UGT1A8: variants seen among roughly 807,000 people sequenced by gnomAD.
UGT1A8 encodes the protein UDP-glucuronosyltransferase 1A8.
UGT1A8 carries 39 observed loss-of-function variants against 45.3 expected under a neutral mutation model. The observed-to-expected ratio is 0.86, with a 90% CI of 0.67 to 1.12. The LOEUF (loss-of-function observed/expected upper bound fraction) is 1.12. Among genes scored for constraint, UGT1A8 ranks in the 50% most tolerant of loss-of-function variants. UGT1A8 has a pLI of 0.00. For missense variants in UGT1A8, 719 were observed against 664.9 expected, an observed-to-expected ratio of 1.08 and a Z score of -0.90; for synonymous variants, 275 against 249.2, an observed-to-expected ratio of 1.10 and a Z score of -0.97.
chr2:233,772,435 G>C lies in UGT1A8; in HGVS notation c.1469G>C (p.Gly490Ala). ...WYQYHSLDVIGFLLAVVLTVA... is the reference protein window; with the variant it reads ...WYQYHSLDVIAFLLAVVLTVA... ...CAGTACCATTCCTTGGACGTGATTG[G>C]TTTCCTCTTGGCCGTCGTGCTGACA... Residue 490 changes from glycine to alanine, a missense_variant, in exon 5 of 5, where the codon GGT becomes GCT. Coordinates refer to ENST00000373450, the MANE Select transcript of UGT1A8 (RefSeq NM_019076.5). The C allele has an allele frequency of 6.2e-7, 1 of 1,614,208 alleles. No homozygotes were observed. The highest frequency in any genetic ancestry group is 1.7e-5 in the Admixed American group (1 of 60,022).
intron 1 of UGT1A8, among the ~76,000 whole-genome samples, chr2:233,704,025 G>T (rs2075764465): frequency 6.6e-6 from 1 of 151,894 alleles, no homozygotes; most frequent in Non-Finnish European, 1.5e-5. Flanking sequence ...CGAGCAGCTG[G>T]AACTACAGGT....
At chr2:233,693,990 T>C (rs553215275) in intron 1 of UGT1A8, 6 of 1,534,128 alleles carry the variant, frequency 3.9e-6, no homozygotes, top group Admixed American at 3.8e-5. Context: ...GGGGAAGTGA[T>C]ACCCGGCTCG....
chr2:233,705,029 G>A (rs1236578902), intron 1 of UGT1A8, among the ~76,000 whole-genome samples: 1 of 151,982 alleles, frequency 6.6e-6, no homozygotes, highest in Non-Finnish European at 1.5e-5. Context: ...CCAGCTACTC[G>A]GGAGGCTGAG....
At chr2:233,620,893 G>A (rs1052901084) in intron 1 of UGT1A8, among the ~76,000 whole-genome samples, 2 of 152,192 alleles carry the variant, frequency 1.3e-5, no homozygotes, top group African/African-American at 4.8e-5. Flanking sequence ...TGGGAAACAA[G>A]ATTCAGAGTG....
chr2:233,763,837 A>G (rs1269995830), intron 1 of UGT1A8, among the ~76,000 whole-genome samples: 1 of 152,238 alleles, frequency 6.6e-6, no homozygotes, highest in Non-Finnish European at 1.5e-5. Context: ...CTGCCAGGGT[A>G]AGATAGCAGT....
At chr2:233,724,342 C>T (rs1220787897) in intron 1 of UGT1A8, among the ~76,000 whole-genome samples, 6 of 135,502 alleles carry the variant, frequency 4.4e-5, no homozygotes, top group Non-Finnish European at 8.0e-5. Flanking sequence ...GGGGGCTGAC[C>T]CCCCCCACCT....
chr2:233,717,929 C>T, intron 1 of UGT1A8: 1 of 454,714 alleles, frequency 2.2e-6, no homozygotes, highest in Non-Finnish European at 4.4e-6. Context: ...ATGGATACTT[C>T]AGTCTCTATG....
At chr2:233,693,658 G>T in intron 1 of UGT1A8, 1 of 1,614,212 alleles carries the variant, frequency 6.2e-7, no homozygotes, top group South Asian at 1.1e-5. Context: ...ATTTGTTGGA[G>T]CCCTATCTAT....
chr2:233,742,052 G>C (rs146940550), intron 1 of UGT1A8: 14 of 152,060 alleles, frequency 9.2e-5, no homozygotes, highest in African/African-American at 3.4e-4. Context: ...CAATAGGATA[G>C]TTCTGTGTGG....
intron 1 of UGT1A8, chr2:233,648,812 T>C: frequency 1.0e-6 from 1 of 998,944 alleles, no homozygotes; most frequent in Non-Finnish European, 1.5e-6. Context: ...ATCTTCTACT[T>C]AGAGGAGCAT....
chr2:233,684,837 T>G (rs2074703951), intron 1 of UGT1A8, among the ~76,000 whole-genome samples: 1 of 152,230 alleles, frequency 6.6e-6, no homozygotes, highest in Non-Finnish European at 1.5e-5. Context: ...GAAAAATTTA[T>G]GGACACTGTA....
intron 1 of UGT1A8, among the ~76,000 whole-genome samples, chr2:233,638,040 C>T (rs1000983398): frequency 6.6e-6 from 1 of 152,074 alleles, no homozygotes; most frequent in Non-Finnish European, 1.5e-5. Flanking sequence ...CAATACTTTC[C>T]TTGCGTGAAT....
At chr2:233,663,534 A>T (rs2074015041) in intron 1 of UGT1A8, among the ~76,000 whole-genome samples, 2 of 152,042 alleles carry the variant, frequency 1.3e-5, no homozygotes, top group South Asian at 4.2e-4. Flanking sequence ...TCAAGCACTG[A>T]TCTTAGGAGT....
chr2:233,664,175 T>C (rs940360712), intron 1 of UGT1A8, among the ~76,000 whole-genome samples: 1 of 152,158 alleles, frequency 6.6e-6, no homozygotes, highest in African/African-American at 2.4e-5. Flanking sequence ...TGAGACCTCA[T>C]TAGCCTGGCC....
At chr2:233,718,748 A>G in intron 1 of UGT1A8, 1 of 1,612,266 alleles carries the variant, frequency 6.2e-7, no homozygotes, top group South Asian at 1.1e-5. Context: ...TGACAAGGTA[A>G]TTAAGGCGAA....
At chr2:233,764,368 C>T (rs546564495) in intron 1 of UGT1A8, among the ~76,000 whole-genome samples, 6 of 152,276 alleles carry the variant, frequency 3.9e-5, no homozygotes, top group Non-Finnish European at 8.8e-5. Context: ...TAGTAGCTGG[C>T]TCAGGTAGGA....
chr2:233,742,999 C>A, intron 1 of UGT1A8: 1 of 234,266 alleles, frequency 4.3e-6, no homozygotes, highest in Non-Finnish European at 8.5e-6. Context: ...AAATTGCATA[C>A]AGATATTTTA....
intron 1 of UGT1A8, chr2:233,743,933 G>A (rs1319527828): frequency 7.4e-7 from 1 of 1,357,164 alleles, no homozygotes; most frequent in Non-Finnish European, 9.8e-7. Flanking sequence ...TGGCCAGAAC[G>A]GCCCACCAGG....
intron 1 of UGT1A8, among the ~76,000 whole-genome samples, chr2:233,702,924 G>A (rs1214715123): frequency 2.0e-5 from 3 of 152,026 alleles, no homozygotes; most frequent in African/African-American, 7.2e-5. Context: ...ATTTTCTTGC[G>A]GAGCCTTGGT....
Sources: gnomAD v4.1 joint callset for allele counts (sites outside exome capture counted in the v4.1 genomes callset) on GRCh38, gnomAD v4.1.1 for gene constraint, MANE v1.5 for transcripts, NCBI Gene and HGNC (gene_info 2026-07-23, HGNC 2026-07-21) for gene names.